Variants in CCSER1 observed in about 807,000 individuals in gnomAD.
The protein encoded by CCSER1 is serine-rich coiled-coil domain-containing protein 1.
Under a neutral mutation model 82.0 loss-of-function variants are expected in CCSER1, and 41 were observed. That is an observed-to-expected ratio of 0.50 (90% CI 0.39 to 0.65). The LOEUF (loss-of-function observed/expected upper bound fraction) is 0.65, where lower values mean the gene tolerates loss of function less well. Among genes scored for constraint, CCSER1 ranks in the 30% least tolerant of loss-of-function variants. The pLI is 0.00. For missense variants in CCSER1, 1,119 were observed against 1,064.2 expected, an observed-to-expected ratio of 1.05 and a Z score of -0.72; for synonymous variants, 414 against 383.9, an observed-to-expected ratio of 1.08 and a Z score of -0.92.
At chr4:90,486,835 G>T (rs917883973) in intron 5 of CCSER1, among the ~76,000 whole-genome samples, 2 of 152,204 alleles carry the variant, frequency 1.3e-5, no homozygotes, top group African/African-American at 2.4e-5. Context: ...GAAGTAAACA[G>T]TAAGCTGAAA....
chr4:90,666,751 CAA>C (rs1731853667), intron 6 of CCSER1, among the ~76,000 whole-genome samples: 1 of 152,010 alleles, frequency 6.6e-6, no homozygotes, highest in Non-Finnish European at 1.5e-5. Flanking sequence ...AGTAGTCATT[CAA>C]AGAGTTCATA....
chr4:90,342,506 A>G (rs777301344), intron 3 of CCSER1, among the ~76,000 whole-genome samples: 2 of 152,090 alleles, frequency 1.3e-5, no homozygotes, highest in African/African-American at 2.4e-5. Flanking sequence ...TACTCACTCA[A>G]TTTCTGGCAA....
intron 10 of CCSER1, among the ~76,000 whole-genome samples, chr4:91,222,869 G>A (rs1489752538): frequency 6.6e-6 from 1 of 152,128 alleles, no homozygotes; most frequent in Non-Finnish European, 1.5e-5. Context: ...ATAGCCACAT[G>A]TGGCTGGTGG....
intron 1 of CCSER1, among the ~76,000 whole-genome samples, chr4:90,298,762 A>G (rs1732503974): frequency 6.6e-6 from 1 of 152,194 alleles, no homozygotes; most frequent in Non-Finnish European, 1.5e-5. Flanking sequence ...CCCAGTAGTC[A>G]TTCAGGAGCA....
intron 4 of CCSER1, among the ~76,000 whole-genome samples, chr4:90,437,277 G>A (rs527689203): frequency 7.9e-5 from 12 of 151,186 alleles, no homozygotes; most frequent in African/African-American, 1.7e-4. Context: ...ACATGCGCGC[G>A]CACACACACA....
intron 7 of CCSER1, among the ~76,000 whole-genome samples, chr4:90,749,372 G>T (rs1188440176): frequency 1.3e-5 from 2 of 151,470 alleles, no homozygotes; most frequent in African/African-American, 2.4e-5. Flanking sequence ...ATTTCTGAGG[G>T]CTCTGTTCTG....
intron 1 of CCSER1, among the ~76,000 whole-genome samples, chr4:90,153,513 G>T (rs1263563779): frequency 6.6e-6 from 1 of 152,046 alleles, no homozygotes; most frequent in East Asian, 1.9e-4. Flanking sequence ...CAGTGTCAAA[G>T]TGTTCCTATT....
At chr4:91,426,964 C>T (rs1165561996) in intron 10 of CCSER1, among the ~76,000 whole-genome samples, 1 of 152,090 alleles carries the variant, frequency 6.6e-6, no homozygotes, top group Non-Finnish European at 1.5e-5. Context: ...TTACCATCCC[C>T]ATTTTCTAGG....
chr4:91,602,146 T>TTGAC lies in CCSER1; in HGVS notation c.*3090_*3093dup, dbSNP rs1489382497. On this transcript the variant is annotated 3_prime_UTR_variant, in exon 11 of 11. Coordinates refer to ENST00000509176, the MANE Select transcript of CCSER1 (RefSeq NM_001145065.2). Reference sequence around the variant, plus strand: ...TCAAGTTATTTTTGTTATCTAATGATTGACATGAAAATAAAATAGTAAGCC... The same window carrying TTGAC: ...TCAAGTTATTTTTGTTATCTAATGATTGACTGACATGAAAATAAAATAGTAAGCC... Among the ~76,000 whole-genome samples, 2 of 152,008 alleles carry TTGAC rather than the reference T, an allele frequency of 1.3e-5. No individual in the cohort carries two copies. The highest frequency in any genetic ancestry group is 2.4e-5 in the African/African-American group (1 of 41,428).
At chr4:91,246,827 T>TACGCAC in intron 10 of CCSER1, among the ~76,000 whole-genome samples, 1 of 144,174 alleles carries the variant, frequency 6.9e-6, no homozygotes, top group African/African-American at 2.5e-5. Flanking sequence ...CATACACACA[T>TACGCAC]ACACACACAC....
intron 10 of CCSER1, among the ~76,000 whole-genome samples, chr4:91,103,991 G>A (rs1725350623): frequency 6.6e-6 from 1 of 152,014 alleles, no homozygotes; most frequent in Non-Finnish European, 1.5e-5. Flanking sequence ...CATTCCTGGG[G>A]GGAGGTCTAT....
chr4:90,635,173 A>G (rs72661803), intron 6 of CCSER1, among the ~76,000 whole-genome samples: 4,481 of 151,918 alleles, frequency 0.029, 102 homozygotes, highest in Non-Finnish European at 0.045. Flanking sequence ...TGAAAAAATC[A>G]GAAAATTTCT....
intron 7 of CCSER1, among the ~76,000 whole-genome samples, chr4:90,738,764 G>A (rs1378423660): frequency 6.6e-6 from 1 of 152,166 alleles, no homozygotes; most frequent in Non-Finnish European, 1.5e-5. Flanking sequence ...CCCAGGCCTA[G>A]GGTGAGCAAT....
At chr4:90,418,168 A>C (rs2153559355) in intron 4 of CCSER1, among the ~76,000 whole-genome samples, 1 of 152,148 alleles carries the variant, frequency 6.6e-6, no homozygotes, top group East Asian at 1.9e-4. Context: ...CTACCTCATA[A>C]ATTTGATGGA....
At chr4:91,183,514 C>A (rs1486953339) in intron 10 of CCSER1, among the ~76,000 whole-genome samples, 3 of 152,106 alleles carry the variant, frequency 2.0e-5, no homozygotes, top group African/African-American at 7.2e-5. Context: ...TTTATAAAAG[C>A]TTTCTGTATT....
At chr4:90,462,628 C>G (rs1763095144) in intron 4 of CCSER1, among the ~76,000 whole-genome samples, 1 of 152,104 alleles carries the variant, frequency 6.6e-6, no homozygotes, top group Admixed American at 6.5e-5. Flanking sequence ...CCCAGCTACT[C>G]AGGAGGCTGA....
intron 10 of CCSER1, among the ~76,000 whole-genome samples, chr4:91,503,549 G>A (rs1578640060): frequency 6.6e-6 from 1 of 151,000 alleles, no homozygotes; most frequent in African/African-American, 2.4e-5. Flanking sequence ...TCACTGGCTT[G>A]TGGATATGTG....
intron 8 of CCSER1, among the ~76,000 whole-genome samples, chr4:90,908,064 G>T (rs143404944): frequency 6.6e-6 from 1 of 152,110 alleles, no homozygotes; most frequent in Admixed American, 6.6e-5. Context: ...AGTCAATATG[G>T]TACTAAATAA....
rs565672872 is a variant in CCSER1, at chr4:91,165,111, G to C, written c.2217+79117G>C. ...TTGATGCTGGTGTCCTACAGATGTGGTTTTGGTTCGGATGTCCTTTTTGTT... is the reference window on the plus strand; with the variant it reads ...TTGATGCTGGTGTCCTACAGATGTGCTTTTGGTTCGGATGTCCTTTTTGTT... On this transcript the variant is annotated intron_variant, in intron 10 of 10. Transcript: ENST00000509176. 1.4e-4 allele frequency among the ~76,000 whole-genome samples: 22 copies of C among 152,266 alleles called. No individual in the cohort carries two copies. In the South Asian group the frequency reaches 3.9e-3, roughly 27 times the overall value.
Sources: gnomAD v4.1 joint callset for allele counts (sites outside exome capture counted in the v4.1 genomes callset) on GRCh38, gnomAD v4.1.1 for gene constraint, MANE v1.5 for transcripts, NCBI Gene and HGNC (gene_info 2026-07-23, HGNC 2026-07-21) for gene names.